ZNF280D: variants seen among roughly 807,000 people sequenced by gnomAD.
The protein encoded by ZNF280D is suppressor of hairy wing homolog 4.
ZNF280D carries 39 observed loss-of-function variants against 94.7 expected under a neutral mutation model. The observed-to-expected ratio is 0.41, with a 90% CI of 0.32 to 0.54. The LOEUF is 0.54. Among genes scored for constraint, ZNF280D ranks in the 20% least tolerant of loss-of-function variants. The pLI is 0.22. For missense variants in ZNF280D, 1,090 were observed against 1,149.3 expected (o/e 0.95, Z 0.75); for synonymous variants, 398 against 377.6 (o/e 1.05, Z -0.63).
intron 20 of ZNF280D, among the ~76,000 whole-genome samples, chr15:56,638,706 T>C (rs967194532): frequency 2.0e-5 from 3 of 152,176 alleles, no homozygotes; most frequent in Admixed American, 2.0e-4. Flanking sequence ...TGTTAACATA[T>C]ATTTATTATT....
At chr15:56,702,840 GAAGC>G (rs1350706394) in intron 4 of ZNF280D, among the ~76,000 whole-genome samples, 1 of 151,332 alleles carries the variant, frequency 6.6e-6, no homozygotes, top group Non-Finnish European at 1.5e-5. Flanking sequence ...AGAGGTAAGT[GAAGC>G]AAGAACTAGG....
At chr15:56,645,739 G>T (rs1016512055) in intron 19 of ZNF280D, among the ~76,000 whole-genome samples, 1 of 152,088 alleles carries the variant, frequency 6.6e-6, no homozygotes, top group Non-Finnish European at 1.5e-5. Context: ...TAGACACGGG[G>T]TTTCATCATA....
intron 3 of ZNF280D, among the ~76,000 whole-genome samples, chr15:56,704,694 AG>A (rs1228081151): frequency 6.6e-6 from 1 of 152,190 alleles, no homozygotes; most frequent in Admixed American, 6.5e-5. Flanking sequence ...CAAGAATGCC[AG>A]GCAGGATGGG....
At chr15:56,646,277 A>C (rs1238753163) in intron 19 of ZNF280D, among the ~76,000 whole-genome samples, 1 of 152,004 alleles carries the variant, frequency 6.6e-6, no homozygotes, top group Non-Finnish European at 1.5e-5. Flanking sequence ...ATTTTTAAAA[A>C]ATTAGCCAGA....
chr15:56,669,977 ATATATATT>A (rs1422142700), intron 13 of ZNF280D, among the ~76,000 whole-genome samples: 6 of 2,754 alleles, frequency 2.2e-3, no homozygotes, highest in Admixed American at 0.015. Flanking sequence ...TATATATAAT[ATATATATT>A]ATATATATAT....
chr15:56,691,445 G>A (rs2056416980), intron 7 of ZNF280D, among the ~76,000 whole-genome samples: 1 of 152,128 alleles, frequency 6.6e-6, no homozygotes. Context: ...GATTATATAG[G>A]AGGCTGGACA....
intron 19 of ZNF280D, among the ~76,000 whole-genome samples, chr15:56,648,036 G>A (rs1289081922): frequency 2.0e-5 from 3 of 152,152 alleles, no homozygotes; most frequent in Admixed American, 6.5e-5. Context: ...AAATGCTAAA[G>A]TTATAAAGCC....
chr15:56,659,524 T>C (rs1207171115), intron 16 of ZNF280D, among the ~76,000 whole-genome samples: 1 of 152,118 alleles, frequency 6.6e-6, no homozygotes, highest in African/African-American at 2.4e-5. Flanking sequence ...TTGTTAATTA[T>C]CTTACTGTGT....
At chr15:56,730,932 A>C (rs557875381) in intron 1 of ZNF280D, among the ~76,000 whole-genome samples, 4 of 152,342 alleles carry the variant, frequency 2.6e-5, no homozygotes, top group African/African-American at 9.6e-5. Context: ...ATAGCTTGTC[A>C]CCACCTTATC....
intron 6 of ZNF280D, chr15:56,699,787 A>G (rs763050432): frequency 1.1e-4 from 18 of 157,256 alleles, no homozygotes; most frequent in Non-Finnish European, 1.9e-4. Flanking sequence ...GTCATCACAC[A>G]GAATATTTTA....
In ZNF280D at chr15:56,701,027, G is replaced by A; in HGVS notation, c.287C>T (p.Pro96Leu). The change falls in exon 6 of 22, where the codon CCA (proline) becomes CTA (leucine). Residue 96 changes from proline (P) to leucine (L), a missense_variant. Pro to Leu is a moderately conservative substitution (Grantham distance 98). Transcript: ENST00000267807. ...FKPTSQHYTN[P>L]TSNPVPASPI... is the part of the protein sequence containing the mutation. ...TGAGGCAGGCACTGGATTTGATGTT[G>A]GATTCGTGTAGTGTTGACTTGTAGG... The A allele has an allele frequency of 6.2e-7, 1 of 1,613,866 alleles. No homozygotes were observed. The highest frequency in any genetic ancestry group is 8.5e-7 in the Non-Finnish European group (1 of 1,179,822).
chr15:56,652,704 G>A (rs1232399452), intron 19 of ZNF280D: 7 of 985,096 alleles, frequency 7.1e-6, no homozygotes, highest in East Asian at 1.1e-4. Flanking sequence ...GCACAAATAC[G>A]TAACTTTAAA....
At chr15:56,708,074 C>A (rs1293955759) in intron 1 of ZNF280D, among the ~76,000 whole-genome samples, 1 of 151,872 alleles carries the variant, frequency 6.6e-6, no homozygotes, top group Non-Finnish European at 1.5e-5. Flanking sequence ...AAGCAAAAAA[C>A]GTCAACAATT....
At chr15:56,677,193 G>T (rs1412562157) in intron 12 of ZNF280D, among the ~76,000 whole-genome samples, 1 of 152,172 alleles carries the variant, frequency 6.6e-6, no homozygotes, top group Non-Finnish European at 1.5e-5. Context: ...TATGGCAATG[G>T]CAATTTATCT....
intron 16 of ZNF280D, among the ~76,000 whole-genome samples, chr15:56,662,497 C>G (rs1375889612): frequency 6.6e-6 from 1 of 151,958 alleles, no homozygotes; most frequent in African/African-American, 2.4e-5. Context: ...CCCTTCTTCT[C>G]AAGAAGATAA....
rs199781890 is a variant in ZNF280D at position 56,676,816 on chromosome 15, C to T, written c.1264G>A (p.Val422Ile). The T allele has an allele frequency of 2.9e-5, 46 of 1,576,854 alleles. No individual in the cohort carries two copies. The highest frequency in any genetic ancestry group is 3.9e-5 in the Non-Finnish European group (45 of 1,161,940). Residue 422 changes from valine to isoleucine, a missense_variant and splice_region_variant, in exon 13 of 22, where the codon GTT becomes ATT. Physicochemically the swap from Val to Ile is conservative, Grantham distance 29. Around this residue, in one of 3 missense-constraint regions of ZNF280D, gnomAD observed 127 missense variants for 208.6 expected, o/e 0.61. Coordinates refer to ENST00000267807, the MANE Select transcript of ZNF280D (RefSeq NM_017661.4). ...AATGATGATGATCTATAATTACAAACCTAAAAAAAGAAAGAAGGCTTAGTT... is the reference window on the plus strand; with the variant it reads ...AATGATGATGATCTATAATTACAAATCTAAAAAAAGAAAGAAGGCTTAGTT... ...KPGEMPYVCQVCNYRSSSFSD... is the reference protein window; with the variant it reads ...KPGEMPYVCQICNYRSSSFSD...
intron 11 of ZNF280D, 137 bp downstream of exon 11, chr15:56,678,527 T>C (rs2055397917): frequency 4.6e-6 from 3 of 647,862 alleles, no homozygotes; most frequent in East Asian, 3.1e-5. Flanking sequence ...CAGTTAAAAC[T>C]TGGCCTTTCA....
intron 12 of ZNF280D, 114 bp from the exon 13 acceptor site, chr15:56,676,930 T>C: frequency 2.7e-6 from 2 of 754,160 alleles, no homozygotes; most frequent in East Asian, 2.7e-5. Flanking sequence ...CTAATCTAGC[T>C]CTGATGCCTT....
intron 6 of ZNF280D, among the ~76,000 whole-genome samples, chr15:56,696,390 A>G (rs1447314187): frequency 6.6e-6 from 1 of 152,212 alleles, no homozygotes; most frequent in Non-Finnish European, 1.5e-5. Context: ...ATAAGGACCT[A>G]ATATTATTCC....
Sources: gnomAD v4.1 joint callset for allele counts (sites outside exome capture counted in the v4.1 genomes callset) on GRCh38, gnomAD v4.1.1 for gene constraint, gnomAD v4.1.1 regional missense constraint, MANE v1.5 for transcripts, NCBI Gene and HGNC (gene_info 2026-07-23, HGNC 2026-07-21) for gene names.